Variants in USP6NL observed in about 807,000 individuals in gnomAD.
USP6NL encodes USP6 N-terminal-like protein.
A neutral mutation model predicts 61.9 loss-of-function variants in USP6NL; 26 were observed. The observed-to-expected ratio is 0.42, with a 90% CI of 0.31 to 0.58. The LOEUF (loss-of-function observed/expected upper bound fraction) is 0.58, where lower values mean the gene tolerates loss of function less well. USP6NL is among the 20% of genes least tolerant of loss of function. The pLI is 0.16. For missense variants in USP6NL, 1,114 were observed against 1,034.3 expected (o/e 1.08, Z -1.06); for synonymous variants, 432 against 390.1 (o/e 1.11, Z -1.27).
At position 11,476,783 on chromosome 10, in the gene USP6NL, T is replaced by C. The variant is rs1832983298; in HGVS notation, c.1078+4987A>G. Among the ~76,000 whole-genome samples, 1 of 152,186 alleles carries C rather than the reference T, an allele frequency of 6.6e-6. No homozygotes were observed. Among genetic ancestry groups the C allele is most frequent in the South Asian group, 2.1e-4 (1 of 4,834 alleles). ...ACTACATGTCAAAAAAACATAGACA[T>C]GAATACAGCAAAAGAAGACATGCCT... On this transcript the variant is annotated intron_variant, in intron 14 of 14. Transcript: ENST00000609104. This position sits in a 1 kb window ranked among gnomAD's most constrained non-coding sequence, Gnocchi z 4.3.
chr10:11,473,536 G>A (rs1832844917), intron 14 of USP6NL, among the ~76,000 whole-genome samples: 1 of 152,216 alleles, frequency 6.6e-6, no homozygotes, highest in Non-Finnish European at 1.5e-5. Context: ...ATGGTCGGGA[G>A]CATTCTTGGA....
intron 13 of USP6NL, among the ~76,000 whole-genome samples, chr10:11,483,058 T>G (rs556685258): frequency 2.0e-5 from 3 of 152,252 alleles, no homozygotes; most frequent in Non-Finnish European, 4.4e-5. Context: ...ATAGTCACCA[T>G]GCTGTATGAC....
chr10:11,523,956 G>A (rs1368102815), intron 4 of USP6NL, among the ~76,000 whole-genome samples: 1 of 152,148 alleles, frequency 6.6e-6, no homozygotes, highest in Non-Finnish European at 1.5e-5. Context: ...ACCCACTGGT[G>A]TTAACAGTCT....
At position 11,528,629 on chromosome 10, in the gene USP6NL, CCCA is replaced by C. The variant is rs777258262; in HGVS notation, c.5-1065_5-1063del. Among the ~76,000 whole-genome samples the C allele has an allele frequency of 2.0e-5, 3 of 152,158 alleles. No individual in the cohort carries two copies. The highest frequency in any genetic ancestry group is 4.4e-5 in the Non-Finnish European group (3 of 68,026). ...AATCCAGACAGTCTTGACTCCACAG[CCCA>C]CAATTTTAATTACTATTTTATAAAA... On this transcript the variant is annotated intron_variant, in intron 2 of 14. Transcript: ENST00000609104. This position sits in a 1 kb window ranked among gnomAD's most constrained non-coding sequence, Gnocchi z 4.6.
chr10:11,596,794 G>A lies in USP6NL; in HGVS notation c.4+837C>T, dbSNP rs1838343920. 1.3e-5 allele frequency among the ~76,000 whole-genome samples: 2 copies of A among 152,092 alleles called. No individual in the cohort carries two copies. The highest frequency in any genetic ancestry group is 4.8e-5 in the African/African-American group (2 of 41,398). On this transcript the variant is annotated intron_variant, in intron 2 of 14. Coordinates refer to ENST00000609104, the MANE Select transcript of USP6NL (RefSeq NM_014688.5). This position sits in a 1 kb window ranked among gnomAD's most constrained non-coding sequence, Gnocchi z 4.1. ...AGCACTCCAATATTTTACAACAGCA[G>A]CGTCATTTTCACTTATCTACTGCCT... is the stretch of plus-strand genomic sequence containing the variant.
rs1836242996 is a variant in USP6NL at position 11,545,556 on chromosome 10, G to A, written c.5-17989C>T. On this transcript the variant is annotated intron_variant, in intron 2 of 14. Coordinates refer to ENST00000609104, the MANE Select transcript of USP6NL (RefSeq NM_014688.5). ...AAGGGTCAGCATTTTGCTGAGAGCT[G>A]CAAAACTTAAAGGATAATACAAACG... 2.6e-5 allele frequency among the ~76,000 whole-genome samples: 4 copies of A among 152,148 alleles called. No homozygotes were observed. In the South Asian group the frequency reaches 8.3e-4, roughly 32 times the overall value.
At chr10:11,505,550 A>G (rs564002915) in intron 6 of USP6NL, among the ~76,000 whole-genome samples, 1 of 152,320 alleles carries the variant, frequency 6.6e-6, no homozygotes, top group Admixed American at 6.5e-5. Flanking sequence ...GAATTGTAAC[A>G]TTTCAGTATT....
chr10:11,563,658 T>G (rs1289146889), intron 2 of USP6NL: 2 of 152,224 alleles, frequency 1.3e-5, no homozygotes, highest in Admixed American at 1.3e-4. Flanking sequence ...AGTGCTGTTT[T>G]CAAAAACCCC....
rs1468953181 is a variant in USP6NL at position 11,480,904 on chromosome 10, GT to G, written c.1078+865del. On this transcript the variant is annotated intron_variant, in intron 14 of 14. Transcript: ENST00000609104. ...AAGGTAAGAAAGAAGAAAAGCGAAA[GT>G]AACTTTTTCTCAAGACATACATGGT... Among the ~76,000 whole-genome samples the G allele has an allele frequency of 2.6e-5, 4 of 152,286 alleles. No individual in the cohort carries two copies. In the East Asian group the frequency reaches 7.7e-4, roughly 29 times the overall value.
chr10:11,547,358 C>T (rs73569171), intron 2 of USP6NL, among the ~76,000 whole-genome samples: 6,626 of 152,106 alleles, frequency 0.044, 418 homozygotes, highest in East Asian at 0.26. Context: ...GAAAGGGAGG[C>T]GCTCTGAAGT....
In USP6NL at chr10:11,495,049, T is replaced by TA. The variant is rs1432506582; in HGVS notation, c.385-1822dup. ...GTAGCCGGTGTTTTCCCTTGACACT[T>TA]ACGCTACTGCTAGACCTCGGTCCGC... On this transcript the variant is annotated intron_variant, in intron 7 of 14. Transcript: ENST00000609104. The surrounding 1 kb of genome is among the most constrained non-coding windows in gnomAD (Gnocchi z 4.6). 2.0e-5 allele frequency among the ~76,000 whole-genome samples: 3 copies of TA among 152,206 alleles called. No individual in the cohort carries two copies. The highest frequency in any genetic ancestry group is 4.4e-5 in the Non-Finnish European group (3 of 68,036).
At chr10:11,509,739 C>A in intron 5 of USP6NL, 64 bp from the exon 6 acceptor site, 1 of 1,353,036 alleles carries the variant, frequency 7.4e-7, no homozygotes, top group South Asian at 1.4e-5. Context: ...TTATAAAAAA[C>A]TTCAAAGAAA....
At chr10:11,497,087 T>C (rs1833960645) in intron 7 of USP6NL, among the ~76,000 whole-genome samples, 1 of 127,300 alleles carries the variant, frequency 7.9e-6, no homozygotes, top group Non-Finnish European at 1.6e-5. Flanking sequence ...ATTTGTTCTC[T>C]TCCATCTTTT....
intron 14 of USP6NL, among the ~76,000 whole-genome samples, chr10:11,473,213 AGGATT>A (rs1312332242): frequency 0.014 from 2,146 of 152,362 alleles, 56 homozygotes; most frequent in African/African-American, 0.049. Flanking sequence ...AAAATACATT[AGGATT>A]TCATTTATTC....
intron 2 of USP6NL, among the ~76,000 whole-genome samples, chr10:11,533,733 T>A (rs12570421): frequency 0.11 from 16,146 of 152,160 alleles, 1,370 homozygotes; most frequent in East Asian, 0.45. Context: ...AAATGATACA[T>A]CTGTGTTGTT....
At chr10:11,538,291 A>C (rs2133443674) in intron 2 of USP6NL, among the ~76,000 whole-genome samples, 1 of 152,246 alleles carries the variant, frequency 6.6e-6, no homozygotes, top group Admixed American at 6.5e-5. Flanking sequence ...CTGCTTAGAT[A>C]TGCTCCACCT....
chr10:11,463,140 T>C lies in USP6NL; in HGVS notation c.1788A>G (p.Pro596=), dbSNP rs185830554. 9 of 1,613,990 alleles carry C rather than the reference T, an allele frequency of 5.6e-6. No individual in the cohort carries two copies. In the African/African-American group the frequency reaches 9.3e-5, roughly 17 times the overall value. ...PRKHAEPSSS[P]SKVSNKFTFK... ...AAGTAAACTTGTTGGATACTTTTGA[T>C]GGACTAGAACTTGGCTCAGCGTGCT... is the stretch of plus-strand genomic sequence containing the variant. The change falls in exon 15 of 15, where the codon CCA becomes CCG. Residue 596 remains proline (P), a synonymous_variant. Transcript: ENST00000609104. The surrounding 1 kb of genome is among the most constrained non-coding windows in gnomAD (Gnocchi z 6.3).
At chr10:11,530,101 CAAAAAAAAAAAAA>C (rs900768943) in intron 2 of USP6NL, among the ~76,000 whole-genome samples, 1 of 72,014 alleles carries the variant, frequency 1.4e-5, no homozygotes, top group Non-Finnish European at 2.7e-5. Context: ...GACCCTGTCT[CAAAAAAAAAAAAA>C]AAAAAAAAAA....
intron 1 of USP6NL, among the ~76,000 whole-genome samples, chr10:11,603,185 C>CATGAG (rs775540420): frequency 9.2e-5 from 14 of 152,182 alleles, no homozygotes; most frequent in Non-Finnish European, 1.6e-4. Context: ...GTTAATGAGG[C>CATGAG]ATGAGATAAG....
Sources: gnomAD v4.1 joint callset for allele counts (sites outside exome capture counted in the v4.1 genomes callset) on GRCh38, gnomAD v4.1.1 for gene constraint, Gnocchi (gnomAD v3.1) non-coding constraint, MANE v1.5 for transcripts, NCBI Gene and HGNC (gene_info 2026-07-23, HGNC 2026-07-21) for gene names.